DGKB: variants seen among roughly 807,000 people sequenced by gnomAD.
DGKB encodes diacylglycerol kinase beta, also known as 90 kDa diacylglycerol kinase.
DGKB carries 67 observed loss-of-function variants against 114.3 expected under a neutral mutation model. The observed-to-expected ratio is 0.59, with a 90% CI of 0.48 to 0.72. The LOEUF (loss-of-function observed/expected upper bound fraction) is 0.72. DGKB is among the 30% of genes least tolerant of loss of function. The pLI, the probability that DGKB is intolerant of heterozygous loss-of-function variation, is 0.00. For missense variants in DGKB, 907 were observed against 975.2 expected (o/e 0.93, Z 0.93); for synonymous variants, 398 against 323.1 (o/e 1.23, Z -2.49).
intron 2 of DGKB, among the ~76,000 whole-genome samples, chr7:14,791,052 A>G (rs1430139524): frequency 6.6e-6 from 1 of 151,924 alleles, no homozygotes; most frequent in African/African-American, 2.4e-5. Context: ...GCTGGTCTTG[A>G]ACTCCTATGC....
chr7:14,955,460 A>C (rs905600038), intron 1 of DGKB, among the ~76,000 whole-genome samples: 1 of 152,004 alleles, frequency 6.6e-6, no homozygotes, highest in African/African-American at 2.4e-5. Context: ...CCTCAGAGCT[A>C]TTTATATTCA....
intron 20 of DGKB, among the ~76,000 whole-genome samples, chr7:14,500,902 G>A (rs750639088): frequency 4.5e-4 from 68 of 151,820 alleles, no homozygotes; most frequent in Middle Eastern, 3.4e-3. Flanking sequence ...ATATGACAAC[G>A]GCTGTAAACA....
intron 21 of DGKB, among the ~76,000 whole-genome samples, chr7:14,469,663 C>G (rs1478253841): frequency 6.6e-6 from 1 of 151,996 alleles, no homozygotes; most frequent in Non-Finnish European, 1.5e-5. Context: ...AGAACACACA[C>G]AGTCCTGACT....
chr7:14,600,814 G>A (rs759055256), intron 17 of DGKB, among the ~76,000 whole-genome samples: 3 of 152,156 alleles, frequency 2.0e-5, no homozygotes, highest in Admixed American at 1.3e-4. Flanking sequence ...AAGCCCCTAA[G>A]GCTCCGAAAC....
At chr7:14,942,043 C>T (rs1785595574) in intron 1 of DGKB, among the ~76,000 whole-genome samples, 4 of 151,874 alleles carry the variant, frequency 2.6e-5, no homozygotes, top group Admixed American at 2.0e-4. Flanking sequence ...TATAAAATGG[C>T]AGATTTATTG....
intron 6 of DGKB, among the ~76,000 whole-genome samples, chr7:14,715,701 T>C (rs767356810): frequency 2.6e-5 from 4 of 152,170 alleles, no homozygotes; most frequent in Non-Finnish European, 5.9e-5. Flanking sequence ...ATATGATTGC[T>C]AGATACTGGG....
chr7:14,920,766 AAAGAT>A (rs1300040679), intron 1 of DGKB, among the ~76,000 whole-genome samples: 1 of 152,216 alleles, frequency 6.6e-6, no homozygotes, highest in African/African-American at 2.4e-5. Context: ...CAACAGAGGA[AAAGAT>A]AAGTAAACTA....
chr7:14,339,683 G>A (rs1482111787), intron 22 of DGKB, among the ~76,000 whole-genome samples: 2 of 151,904 alleles, frequency 1.3e-5, no homozygotes, highest in Non-Finnish European at 2.9e-5. Flanking sequence ...TCTTTAAAAT[G>A]CTAGTTATTA....
At chr7:14,700,955 A>G (rs1297894669) in intron 7 of DGKB, among the ~76,000 whole-genome samples, 1 of 152,158 alleles carries the variant, frequency 6.6e-6, no homozygotes, top group Non-Finnish European at 1.5e-5. Flanking sequence ...AGATTATTGG[A>G]TAGAACCTGA....
intron 1 of DGKB, among the ~76,000 whole-genome samples, chr7:14,872,616 T>G (rs1405374456): frequency 6.6e-6 from 1 of 152,120 alleles, no homozygotes; most frequent in East Asian, 1.9e-4. Context: ...ACCATTATAC[T>G]CACTGTTTAA....
chr7:14,676,326 T>A (rs1441905170), intron 12 of DGKB, among the ~76,000 whole-genome samples: 1 of 152,106 alleles, frequency 6.6e-6, no homozygotes, highest in East Asian at 1.9e-4. Context: ...AAGCTTTTTA[T>A]AGTTTGAAAG....
At position 14,743,007 on chromosome 7, in the gene DGKB, GT is replaced by G. The variant is rs764158644; in HGVS notation, c.169-6814del. On this transcript the variant is annotated intron_variant, in intron 4 of 25. Transcript: ENST00000402815. ...TGACTAAACTCAAAGGATATTATAT[GT>G]TTTTTTCTGTAAACTGAGCAATGAA... Among the ~76,000 whole-genome samples, 6 of 152,168 alleles carry G rather than the reference GT, an allele frequency of 3.9e-5. No individual in the cohort carries two copies. In the East Asian group the frequency reaches 1.2e-3, roughly 29 times the overall value.
rs114457413 is a variant in DGKB, at chr7:14,658,525, C to T, written c.1134+14404G>A. Reference sequence around the variant, plus strand: ...AATGTTCAATAGTAGAGTAGAATGACGATAGTTTCACACATTGTATGTTTC... The same window carrying T: ...AATGTTCAATAGTAGAGTAGAATGATGATAGTTTCACACATTGTATGTTTC... On this transcript the variant is annotated intron_variant, in intron 13 of 25. Transcript: ENST00000402815. Among the ~76,000 whole-genome samples the T allele has an allele frequency of 5.2e-3, 786 of 151,742 alleles. 6 individuals are homozygous for T. The highest frequency in any genetic ancestry group is 0.018 in the African/African-American group (734 of 41,386).
At chr7:14,377,444 C>CT (rs1563055538) in intron 21 of DGKB, among the ~76,000 whole-genome samples, 2 of 152,184 alleles carry the variant, frequency 1.3e-5, no homozygotes, top group East Asian at 3.9e-4. Context: ...TCTTGTTAAA[C>CT]TTTTTTTGAT....
At chr7:14,758,160 C>A (rs531398086) in intron 2 of DGKB, among the ~76,000 whole-genome samples, 1 of 152,058 alleles carries the variant, frequency 6.6e-6, no homozygotes, top group Admixed American at 6.6e-5. Context: ...ATATGCATTA[C>A]GAATAACATT....
intron 1 of DGKB, among the ~76,000 whole-genome samples, chr7:14,926,772 C>A (rs920019930): frequency 6.6e-6 from 1 of 151,868 alleles, no homozygotes; most frequent in Admixed American, 6.6e-5. Flanking sequence ...TTAATTATTT[C>A]TTCTAGCTCT....
intron 23 of DGKB, among the ~76,000 whole-genome samples, chr7:14,200,088 A>G (rs1451713005): frequency 6.6e-6 from 1 of 152,060 alleles, no homozygotes; most frequent in Non-Finnish European, 1.5e-5. Context: ...CATAGAGGTC[A>G]TTCTGGTTAA....
At position 14,519,763 on chromosome 7, in the gene DGKB, T is replaced by C. The variant is rs77815240; in HGVS notation, c.1771-41538A>G. Among the ~76,000 whole-genome samples, 1,020 of 152,096 alleles carry C rather than the reference T, an allele frequency of 6.7e-3. 7 individuals carry two copies. The highest frequency in any genetic ancestry group is 0.023 in the African/African-American group (955 of 41,550). Reference sequence around the variant, plus strand: ...AGCCTTCTCAGTGGGCATGTAGTGATATATCTTTGTAATTTTAATTTGCAT... The same window carrying C: ...AGCCTTCTCAGTGGGCATGTAGTGACATATCTTTGTAATTTTAATTTGCAT... On this transcript the variant is annotated intron_variant, in intron 20 of 25. Coordinates refer to ENST00000402815, the MANE Select transcript of DGKB (RefSeq NM_001350709.2).
intron 21 of DGKB, among the ~76,000 whole-genome samples, chr7:14,369,510 T>C (rs568924108): frequency 2.6e-5 from 4 of 152,158 alleles, no homozygotes; most frequent in Admixed American, 1.3e-4. Context: ...TCTTCCACAG[T>C]GGTTGAACTA....
Sources: allele counts gnomAD v4.1 joint callset (sites outside exome capture counted in the v4.1 genomes callset), GRCh38; gene constraint gnomAD v4.1.1; transcripts MANE v1.5; gene names NCBI Gene and HGNC (gene_info 2026-07-23, HGNC 2026-07-21).